Variants in SRBD1 observed in about 807,000 individuals in gnomAD.
SRBD1 encodes the protein S1 RNA binding domain 1.
A neutral mutation model predicts 115.3 loss-of-function variants in SRBD1; 88 were observed. The observed-to-expected ratio is 0.76, with a 90% CI of 0.64 to 0.91. The LOEUF (loss-of-function observed/expected upper bound fraction) is 0.91, where lower values mean the gene tolerates loss of function less well. Ranked by LOEUF, SRBD1 falls within the 40% of genes least tolerant of loss-of-function variation. The probability of loss-of-function intolerance (pLI) is 0.00; values close to 1 mark genes in which losing one functional copy is unlikely to be tolerated. For synonymous variants in SRBD1, 509 were observed against 407.7 expected (o/e 1.25, Z -2.99); for missense variants, 1,385 against 1,177.4 (o/e 1.18, Z -2.58).
chr2:45,429,751 C>G (rs1159857647), intron 16 of SRBD1, among the ~76,000 whole-genome samples: 1 of 152,202 alleles, frequency 6.6e-6, no homozygotes, highest in Non-Finnish European at 1.5e-5. Flanking sequence ...TGCCCTCTCT[C>G]ACCACTCCTA....
At chr2:45,435,178 G>A (rs560700110) in intron 16 of SRBD1, among the ~76,000 whole-genome samples, 1 of 152,146 alleles carries the variant, frequency 6.6e-6, no homozygotes, top group African/African-American at 2.4e-5. Flanking sequence ...TATCACTGAT[G>A]GACATCTGGG....
At chr2:45,444,463 G>C (rs1459703926) in intron 16 of SRBD1, among the ~76,000 whole-genome samples, 4 of 152,206 alleles carry the variant, frequency 2.6e-5, no homozygotes, top group South Asian at 2.1e-4. Flanking sequence ...AGGTGGGACA[G>C]TGGTAATTTT....
chr2:45,512,220 G>C (rs939995175), intron 14 of SRBD1, among the ~76,000 whole-genome samples: 1 of 152,116 alleles, frequency 6.6e-6, no homozygotes, highest in African/African-American at 2.4e-5. Context: ...TAAAGAAAAG[G>C]AAAGAAAATC....
chr2:45,410,760 A>G (rs1667577811), intron 19 of SRBD1, among the ~76,000 whole-genome samples: 2 of 152,178 alleles, frequency 1.3e-5, no homozygotes, highest in African/African-American at 4.8e-5. Flanking sequence ...CAATGATTCA[A>G]TCATGCCTAT....
At chr2:45,476,346 A>G (rs1440305098) in intron 16 of SRBD1, among the ~76,000 whole-genome samples, 1 of 152,174 alleles carries the variant, frequency 6.6e-6, no homozygotes, top group African/African-American at 2.4e-5. Flanking sequence ...TATAGTACCT[A>G]TCATTCAAAT....
chr2:45,517,667 T>A (rs1363259667), intron 14 of SRBD1, among the ~76,000 whole-genome samples: 2 of 152,178 alleles, frequency 1.3e-5, no homozygotes, highest in African/African-American at 2.4e-5. Flanking sequence ...TTTTTTTCTA[T>A]GTACAAGAGT....
intron 7 of SRBD1, among the ~76,000 whole-genome samples, chr2:45,575,705 C>T (rs1673154293): frequency 6.6e-6 from 1 of 151,918 alleles, no homozygotes; most frequent in South Asian, 2.1e-4. Flanking sequence ...GGTACAGGTC[C>T]ACTTCTTTTT....
chr2:45,597,120 C>T (rs1395426452), intron 4 of SRBD1, among the ~76,000 whole-genome samples: 1 of 152,072 alleles, frequency 6.6e-6, no homozygotes, highest in Non-Finnish European at 1.5e-5. Context: ...AGACTTTCTT[C>T]TTAAAATTTG....
Position 45,389,524 on chromosome 2 carries a change from T to C in SRBD1, c.2774A>G (p.Lys925Arg), listed in dbSNP as rs1443351938. The C allele has an allele frequency of 1.2e-6, 2 of 1,614,098 alleles. No individual in the cohort carries two copies. The highest frequency in any genetic ancestry group is 1.3e-5 in the African/African-American group (1 of 75,050). Reference sequence around the variant, plus strand: ...TCCAAAGAGAGTGGCATTCTCAACTTTGCCTGTAAGAACTGTCCCAATCTG... The same window carrying C: ...TCCAAAGAGAGTGGCATTCTCAACTCTGCCTGTAAGAACTGTCCCAATCTG... ...DLQIGTVLTG[K>R]VENATLFGIF... is the part of the protein sequence containing the mutation. The change falls in exon 21 of 21, where the codon AAA becomes AGA. Residue 925 changes from lysine to arginine, a missense_variant. By Grantham distance (26) the Lys-to-Arg change is conservative (BLOSUM62 2). Coordinates refer to ENST00000263736, the MANE Select transcript of SRBD1 (RefSeq NM_018079.5).
intron 19 of SRBD1, among the ~76,000 whole-genome samples, chr2:45,409,614 T>C (rs2103849848): frequency 6.6e-6 from 1 of 151,946 alleles, no homozygotes; most frequent in South Asian, 2.1e-4. Context: ...CATAACTACT[T>C]ATATAGGAGA....
chr2:45,471,723 C>A (rs1017039789), intron 16 of SRBD1, among the ~76,000 whole-genome samples: 1 of 151,918 alleles, frequency 6.6e-6, no homozygotes, highest in African/African-American at 2.4e-5. Context: ...ATAATAACAC[C>A]CTCTAAAATT....
intron 14 of SRBD1, among the ~76,000 whole-genome samples, chr2:45,528,729 C>T (rs554166943): frequency 6.6e-6 from 1 of 151,764 alleles, no homozygotes; most frequent in African/African-American, 2.4e-5. Flanking sequence ...GAAGACAAAG[C>T]GGGTGAGGAA....
intron 14 of SRBD1, among the ~76,000 whole-genome samples, chr2:45,507,701 C>A (rs1325057523): frequency 6.6e-6 from 1 of 151,694 alleles, no homozygotes; most frequent in Admixed American, 6.6e-5. Flanking sequence ...ACCTGGGCAA[C>A]AAGAACAAAA....
At chr2:45,586,753 C>T (rs1475109346) in intron 4 of SRBD1, among the ~76,000 whole-genome samples, 1 of 150,804 alleles carries the variant, frequency 6.6e-6, no homozygotes, top group Non-Finnish European at 1.5e-5. Flanking sequence ...TACTACATTG[C>T]CCAAGCTGGT....
intron 15 of SRBD1, among the ~76,000 whole-genome samples, chr2:45,478,521 G>T (rs3770271): frequency 0.12 from 18,907 of 152,154 alleles, 1,236 homozygotes; most frequent in East Asian, 0.19. Flanking sequence ...AAGAGACGGG[G>T]ATTCCAAGGC....
At chr2:45,535,871 T>C (rs1176201534) in intron 14 of SRBD1, among the ~76,000 whole-genome samples, 1 of 152,020 alleles carries the variant, frequency 6.6e-6, no homozygotes, top group South Asian at 2.1e-4. Context: ...AAGACTTTTA[T>C]GCTATACATG....
chr2:45,454,273 G>T (rs768440272), intron 16 of SRBD1, among the ~76,000 whole-genome samples: 3 of 151,844 alleles, frequency 2.0e-5, no homozygotes, highest in Admixed American at 1.3e-4. Context: ...ATGACTGGGA[G>T]CATGATTCAC....
intron 16 of SRBD1, among the ~76,000 whole-genome samples, chr2:45,457,509 G>C (rs1477476322): frequency 4.0e-5 from 6 of 151,856 alleles, no homozygotes; most frequent in African/African-American, 1.5e-4. Context: ...CTCCAATTAA[G>C]CTAGAAGTAA....
rs1366388003 is a variant in SRBD1 at position 45,393,047 on chromosome 2, C to T, written c.2596G>A (p.Glu866Lys). 1 of 1,614,090 alleles carries T rather than the reference C, an allele frequency of 6.2e-7. No individual in the cohort carries two copies. Among genetic ancestry groups the T allele is most frequent in the East Asian group, 2.2e-5 (1 of 44,864 alleles). Residue 866 changes from glutamate to lysine, a missense_variant, in exon 20 of 21, where the codon GAA becomes AAA. Coordinates refer to ENST00000263736, the MANE Select transcript of SRBD1 (RefSeq NM_018079.5). ...CTTTCTGCAATTTTCTCCATTCCTT[C>T]CTTTTCAAGGAATGAATTTATTTTT... is the stretch of plus-strand genomic sequence containing the variant. ...QQKINSFLEK[E>K]GMEKIAERLQ...
Sources: allele counts gnomAD v4.1 joint callset (sites outside exome capture counted in the v4.1 genomes callset), GRCh38; gene constraint gnomAD v4.1.1; transcripts MANE v1.5; gene names NCBI Gene and HGNC (gene_info 2026-07-23, HGNC 2026-07-21).